The following NBAS variants were observed in gnomAD, a reference collection of about 807,000 sequenced individuals.
NBAS encodes NBAS subunit of NRZ tethering complex, also known as NAG/BC035112 fusion.
A neutral mutation model predicts 302.5 loss-of-function variants in NBAS; 219 were observed. The ratio of observed to expected loss-of-function variants is 0.72; its 90% CI spans 0.65 to 0.81. The LOEUF is 0.81. NBAS is among the 30% of genes least tolerant of loss of function. The pLI is 0.00. For missense variants in NBAS, 2,932 were observed against 2,841.6 expected (o/e 1.03, Z -0.72); for synonymous variants, 1,118 against 1,021.6 (o/e 1.09, Z -1.80).
At chr2:15,343,427 T>C (rs1007132815) in intron 35 of NBAS, among the ~76,000 whole-genome samples, 1 of 152,002 alleles carries the variant, frequency 6.6e-6, no homozygotes, top group Non-Finnish European at 1.5e-5. Context: ...CCAGAGCACA[T>C]GGGGAAAAAT....
At chr2:15,010,768 A>G in the NBAS span, among the ~76,000 whole-genome samples, 64 of 152,214 alleles carry the variant, frequency 4.2e-4, no homozygotes, top group African/African-American at 1.5e-3. Context: ...TATTAACACA[A>G]AATGTGGCTC....
At chr2:15,187,763 C>T (rs1665157185) in intron 49 of NBAS, among the ~76,000 whole-genome samples, 6 of 152,172 alleles carry the variant, frequency 3.9e-5, no homozygotes, top group Admixed American at 3.9e-4. Context: ...GCACTACATT[C>T]TAGACATTGA....
intron 32 of NBAS, among the ~76,000 whole-genome samples, chr2:15,359,524 A>C (rs918388651): frequency 7.9e-5 from 12 of 152,278 alleles, no homozygotes; most frequent in African/African-American, 2.9e-4. Context: ...AGCTCATGTT[A>C]AAAGATCTAA....
chr2:15,486,920 C>CA (rs545038937), intron 12 of NBAS, among the ~76,000 whole-genome samples: 111 of 124,890 alleles, frequency 8.9e-4, no homozygotes, highest in South Asian at 3.1e-3. Context: ...CTTTGCAGGA[C>CA]AAAAAAAAAA....
At chr2:14,933,409 C>T in the NBAS span, among the ~76,000 whole-genome samples, 3 of 152,142 alleles carry the variant, frequency 2.0e-5, no homozygotes, top group African/African-American at 7.2e-5. Flanking sequence ...AGAAAAAGCA[C>T]ACAACCTAAA....
At chr2:15,086,453 G>A in the NBAS span, among the ~76,000 whole-genome samples, 735 of 152,306 alleles carry the variant, frequency 4.8e-3, 10 homozygotes, top group African/African-American at 0.017. Flanking sequence ...CCCACCAAAC[G>A]GTGAGGCTAA....
chr2:15,115,383 T>G, the NBAS span, among the ~76,000 whole-genome samples: 1 of 152,214 alleles, frequency 6.6e-6, no homozygotes, highest in African/African-American at 2.4e-5. Flanking sequence ...TTTAGGTAAA[T>G]CTACTTCATA....
At chr2:15,416,755 A>G (rs1676954347) in intron 24 of NBAS, among the ~76,000 whole-genome samples, 2 of 151,526 alleles carry the variant, frequency 1.3e-5, no homozygotes, top group South Asian at 4.2e-4. Flanking sequence ...ACAGTGAGCC[A>G]AGATCACGTC....
chr2:15,117,196 G>A, the NBAS span, among the ~76,000 whole-genome samples: 9 of 152,124 alleles, frequency 5.9e-5, no homozygotes, highest in African/African-American at 1.7e-4. Context: ...AAATAAACCC[G>A]CCGTCCCCAG....
chr2:15,060,261 C>G, the NBAS span, among the ~76,000 whole-genome samples: 1 of 152,124 alleles, frequency 6.6e-6, no homozygotes, highest in Non-Finnish European at 1.5e-5. Context: ...CTGCCATGTC[C>G]GGGGAGCACA....
chr2:15,549,024 T>G (rs1178769076), intron 6 of NBAS, among the ~76,000 whole-genome samples: 2 of 152,194 alleles, frequency 1.3e-5, no homozygotes, highest in African/African-American at 4.8e-5. Context: ...AACTGACAGA[T>G]TTCAGGTAGA....
the NBAS span, among the ~76,000 whole-genome samples, chr2:15,064,300 C>T: frequency 1.6e-5 from 1 of 64,056 alleles, no homozygotes; most frequent in African/African-American, 4.6e-5. Flanking sequence ...AGAGAAAAGA[C>T]TCAAAAAAAA....
the NBAS span, among the ~76,000 whole-genome samples, chr2:14,811,032 C>T: frequency 6.6e-6 from 1 of 152,158 alleles, no homozygotes; most frequent in South Asian, 2.1e-4. Flanking sequence ...CATTTATTTC[C>T]CTGACATGGA....
chr2:15,056,489 G>A, the NBAS span, among the ~76,000 whole-genome samples: 3 of 152,338 alleles, frequency 2.0e-5, no homozygotes, highest in Admixed American at 6.5e-5. Context: ...GGACTCATAT[G>A]AGACTCCATT....
the NBAS span, among the ~76,000 whole-genome samples, chr2:14,915,640 A>G: frequency 5.3e-5 from 8 of 151,950 alleles, no homozygotes; most frequent in African/African-American, 1.7e-4. Flanking sequence ...TTGGCTCACT[A>G]CAACCTCTGT....
At chr2:15,491,134 C>T (rs1317278654) in intron 11 of NBAS, among the ~76,000 whole-genome samples, 1 of 152,190 alleles carries the variant, frequency 6.6e-6, no homozygotes, top group Admixed American at 6.5e-5. Flanking sequence ...GTCATGTTAG[C>T]ATCTGAGAAA....
At chr2:15,250,403 G>A (rs1668307189) in intron 44 of NBAS, among the ~76,000 whole-genome samples, 1 of 152,162 alleles carries the variant, frequency 6.6e-6, no homozygotes, top group Non-Finnish European at 1.5e-5. Flanking sequence ...ATAGGCATGG[G>A]CAAAGACTTA....
intron 35 of NBAS, among the ~76,000 whole-genome samples, chr2:15,351,007 T>C (rs1268649117): frequency 6.6e-6 from 1 of 152,210 alleles, no homozygotes; most frequent in Non-Finnish European, 1.5e-5. Flanking sequence ...AGAGAACTGT[T>C]TGCCCATGTA....
At chr2:14,795,888 T>A in the NBAS span, among the ~76,000 whole-genome samples, 75,667 of 151,800 alleles carry the variant, frequency 0.5, 20,569 homozygotes, top group African/African-American at 0.74. Flanking sequence ...CCCCTGATAT[T>A]GAACCACTGG....
Sources: gnomAD v4.1 joint callset for allele counts (sites outside exome capture counted in the v4.1 genomes callset) on GRCh38, gnomAD v4.1.1 for gene constraint, MANE v1.5 for transcripts, NCBI Gene and HGNC (gene_info 2026-07-23, HGNC 2026-07-21) for gene names.